Variants in HDAC4 observed in about 807,000 individuals in gnomAD.
HDAC4 encodes histone deacetylase A.
A neutral mutation model predicts 135.1 loss-of-function variants in HDAC4; 16 were observed. The ratio of observed to expected loss-of-function variants is 0.12; its 90% confidence interval spans 0.08 to 0.18. The LOEUF (loss-of-function observed/expected upper bound fraction) is 0.18. Ranked by LOEUF, HDAC4 falls within the 10% of genes least tolerant of loss-of-function variation. The pLI is 1.00. For synonymous variants in HDAC4, 685 were observed against 653.4 expected, an observed-to-expected ratio of 1.05 and a Z score of -0.74; for missense variants, 1,143 against 1,511.8, an observed-to-expected ratio of 0.76 and a Z score of 4.05.
In HDAC4 at chr2:239,245,307, T is replaced by C. The variant is rs1273820665; in HGVS notation, c.23-8643A>G. Among the ~76,000 whole-genome samples, 1 of 151,844 alleles carries C rather than the reference T, an allele frequency of 6.6e-6. No homozygotes were observed. The highest frequency in any genetic ancestry group is 1.5e-5 in the Non-Finnish European group (1 of 68,024). On this transcript the variant is annotated intron_variant, in intron 2 of 26. Coordinates refer to ENST00000543185, the MANE Select transcript of HDAC4 (RefSeq NM_001378414.1). The surrounding 1 kb of genome is among the most constrained non-coding windows in gnomAD (Gnocchi z 4.4). Reference sequence around the variant, plus strand: ...GGATTGGCTATGATCAGTCAAGCCCTGAAACAGAAAATCCCAGGACAAAGG... The same window carrying C: ...GGATTGGCTATGATCAGTCAAGCCCCGAAACAGAAAATCCCAGGACAAAGG...
chr2:239,246,241 G>A (rs552052341), intron 2 of HDAC4, among the ~76,000 whole-genome samples: 1 of 152,340 alleles, frequency 6.6e-6, no homozygotes, highest in South Asian at 2.1e-4. Flanking sequence ...AGCCACGGGG[G>A]AAAGGGAACA....
intron 14 of HDAC4, 40 bp downstream of exon 14, chr2:239,111,486 C>A: frequency 6.3e-7 from 1 of 1,580,750 alleles, no homozygotes; most frequent in East Asian, 2.3e-5. Context: ...CCACTGTGGC[C>A]CGCGTTGCAC....
At chr2:239,157,741 A>G (rs2042518333) in intron 6 of HDAC4, among the ~76,000 whole-genome samples, 2 of 152,252 alleles carry the variant, frequency 1.3e-5, no homozygotes, top group South Asian at 4.1e-4. Context: ...TGGCACACCA[A>G]TGCACCTGGA....
At chr2:239,065,588 C>A (rs766102192) in intron 24 of HDAC4, among the ~76,000 whole-genome samples, 4 of 152,178 alleles carry the variant, frequency 2.6e-5, no homozygotes, top group Admixed American at 6.5e-5. Flanking sequence ...CCTGTCACCC[C>A]GACTCTACTG....
chr2:239,204,176 G>A (rs959760444), intron 3 of HDAC4, among the ~76,000 whole-genome samples: 15 of 152,200 alleles, frequency 9.9e-5, no homozygotes, highest in African/African-American at 3.6e-4. Flanking sequence ...GAACCTGTGA[G>A]CTCCTCTCTG....
intron 3 of HDAC4, among the ~76,000 whole-genome samples, chr2:239,205,605 G>A (rs2045995437): frequency 1.3e-5 from 2 of 152,094 alleles, no homozygotes; most frequent in African/African-American, 4.8e-5. Flanking sequence ...AAGAAAAGGT[G>A]AGCAAAGAAC....
intron 2 of HDAC4, among the ~76,000 whole-genome samples, chr2:239,261,977 G>A (rs575593496): frequency 1.2e-4 from 18 of 152,172 alleles, no homozygotes; most frequent in Admixed American, 5.2e-4. Flanking sequence ...GTGAGCCCCC[G>A]GCCCCTACAG....
chr2:239,246,135 G>A (rs902222360), intron 2 of HDAC4, among the ~76,000 whole-genome samples: 15 of 152,210 alleles, frequency 9.9e-5, no homozygotes, highest in Non-Finnish European at 1.5e-4. Context: ...TGGCTTAGTC[G>A]GGTGATAGGG....
At chr2:239,095,173 G>A in intron 16 of HDAC4, 117 bp from the exon 17 acceptor site, 1 of 1,056,102 alleles carries the variant, frequency 9.5e-7, no homozygotes, top group South Asian at 1.3e-5. Flanking sequence ...GGACAACGAG[G>A]GGCCACTGCT....
At chr2:239,220,527 G>C (rs604827) in intron 3 of HDAC4, among the ~76,000 whole-genome samples, 138,170 of 152,252 alleles carry the variant, frequency 0.91, 62,856 homozygotes, top group South Asian at 0.96. Flanking sequence ...GTTTGTGCTT[G>C]GTAGGGGAAG....
At position 239,093,734 on chromosome 2, in the gene HDAC4, G is replaced by A. The variant is rs555751854; in HGVS notation, c.2280+1276C>T. Among the ~76,000 whole-genome samples, 184 of 152,314 alleles carry A rather than the reference G, an allele frequency of 1.2e-3. 1 individual carries two copies. Among genetic ancestry groups the A allele is most frequent in the African/African-American group, 4.2e-3 (175 of 41,570 alleles). On this transcript the variant is annotated intron_variant, in intron 17 of 26. Coordinates refer to ENST00000543185, the MANE Select transcript of HDAC4 (RefSeq NM_001378414.1). ...GATCTGGATTTAACACTTGGGAGGG[G>A]CTGCTGGGCTCACCCCCTCAGCTCT...
intron 3 of HDAC4, among the ~76,000 whole-genome samples, chr2:239,212,891 A>G (rs1475043178): frequency 6.6e-6 from 1 of 152,236 alleles, no homozygotes; most frequent in African/African-American, 2.4e-5. Flanking sequence ...ACTCACTCTT[A>G]GACGCTGGCC....
intron 3 of HDAC4, among the ~76,000 whole-genome samples, chr2:239,210,546 C>T (rs78991626): frequency 0.019 from 2,935 of 152,264 alleles, 38 homozygotes; most frequent in Non-Finnish European, 0.028. Flanking sequence ...ATTTATTACC[C>T]GGCCTGTGAG....
intron 3 of HDAC4, among the ~76,000 whole-genome samples, chr2:239,225,396 T>C (rs1006697207): frequency 5.9e-5 from 9 of 152,140 alleles, no homozygotes; most frequent in Non-Finnish European, 1.2e-4. Context: ...GAACAGCTAT[T>C]AAAACAGGAA....
intron 3 of HDAC4, among the ~76,000 whole-genome samples, chr2:239,218,838 C>T (rs1452681198): frequency 8.6e-5 from 13 of 150,752 alleles, no homozygotes; most frequent in African/African-American, 2.9e-4. Flanking sequence ...CAAAAGAAGA[C>T]ATTTATGCAG....
chr2:239,242,836 A>G (rs1173897620), intron 2 of HDAC4, among the ~76,000 whole-genome samples: 3 of 152,112 alleles, frequency 2.0e-5, no homozygotes, highest in Non-Finnish European at 2.9e-5. Context: ...ATATTTTTAA[A>G]TCACATGTTT....
intron 8 of HDAC4, among the ~76,000 whole-genome samples, chr2:239,143,167 C>T (rs1365505683): frequency 1.3e-5 from 2 of 152,166 alleles, no homozygotes; most frequent in Non-Finnish European, 2.9e-5. Context: ...GACTCAAAAA[C>T]AGCACTCAGT....
intron 2 of HDAC4, among the ~76,000 whole-genome samples, chr2:239,291,933 C>T (rs2051530137): frequency 6.6e-6 from 1 of 152,220 alleles, no homozygotes; most frequent in South Asian, 2.1e-4. Flanking sequence ...TGGATCCCTC[C>T]TTTGTCTGCA....
At chr2:239,212,918 C>T (rs1258216029) in intron 3 of HDAC4, among the ~76,000 whole-genome samples, 1 of 152,192 alleles carries the variant, frequency 6.6e-6, no homozygotes, top group Non-Finnish European at 1.5e-5. Flanking sequence ...GATCACCAAA[C>T]ATTTGGGAAA....
Sources: gnomAD v4.1 joint callset for allele counts (sites outside exome capture counted in the v4.1 genomes callset) on GRCh38, gnomAD v4.1.1 for gene constraint, Gnocchi (gnomAD v3.1) non-coding constraint, MANE v1.5 for transcripts, NCBI Gene and HGNC (gene_info 2026-07-23, HGNC 2026-07-21) for gene names.